PEX3: variants seen among roughly 807,000 people sequenced by gnomAD.
PEX3 encodes peroxisomal biogenesis factor 3, also known as peroxin-3.
PEX3 carries 30 observed loss-of-function variants against 55.8 expected under a neutral mutation model. That is an observed-to-expected ratio of 0.54 (90% CI 0.40 to 0.73). PEX3 has a LOEUF of 0.73. Ranked by LOEUF, PEX3 falls within the 30% of genes least tolerant of loss-of-function variation. PEX3 has a pLI of 0.00. For synonymous variants in PEX3, 135 were observed against 148.4 expected, an observed-to-expected ratio of 0.91 and a Z score of 0.66; for missense variants, 351 against 432.8, an observed-to-expected ratio of 0.81 and a Z score of 1.68.
chr6:143,471,289 A>T lies in PEX3; in HGVS notation c.457-94A>T. On this transcript the variant is annotated intron_variant, in intron 5 of 11. Transcript: ENST00000367591. This position sits in a 1 kb window ranked among gnomAD's most constrained non-coding sequence, Gnocchi z 5.4. ...ATTACTATTTTTCCCGTCATTTCAG[A>T]TCTTGAAAAATCTCAGCCAAAGTTT... is the stretch of plus-strand genomic sequence containing the variant. The T allele has an allele frequency of 8.7e-7, 1 of 1,145,212 alleles. No homozygotes were observed. Among genetic ancestry groups the T allele is most frequent in the Non-Finnish European group, 1.3e-6 (1 of 763,772 alleles). 70.9% of individuals were successfully genotyped at this position (1,145,212 alleles called of 1,614,324 possible).
rs547117596 is a variant in PEX3 at position 143,451,842 on chromosome 6, C to G, written c.73+727C>G. Among the ~76,000 whole-genome samples, 2 of 152,184 alleles carry G rather than the reference C, an allele frequency of 1.3e-5. No homozygotes were observed. The highest frequency in any genetic ancestry group is 3.9e-4 in the East Asian group (2 of 5,182). The stretch of plus-strand genomic sequence containing the variant: ...AATCTTGAGACGCTTTTCCCTCATA[C>G]AATGCTCATGTGATAATATTCAGGG... On this transcript the variant is annotated intron_variant, in intron 1 of 11. Transcript: ENST00000367591. The surrounding 1 kb of genome is among the most constrained non-coding windows in gnomAD (Gnocchi z 4.1).
intron 8 of PEX3, among the ~76,000 whole-genome samples, chr6:143,473,684 C>T (rs184418960): frequency 1.3e-5 from 2 of 151,998 alleles, no homozygotes; most frequent in East Asian, 1.9e-4. Context: ...GGCAACATAG[C>T]GAGATCCTGT....
rs1450705587 is a variant in PEX3 at position 143,453,185 on chromosome 6, A to C, written c.73+2070A>C. Among the ~76,000 whole-genome samples, 2 of 152,218 alleles carry C rather than the reference A, an allele frequency of 1.3e-5. No individual in the cohort carries two copies. Among genetic ancestry groups the C allele is most frequent in the African/African-American group, 4.8e-5 (2 of 41,454 alleles). On this transcript the variant is annotated intron_variant, in intron 1 of 11. Coordinates refer to ENST00000367591, the MANE Select transcript of PEX3 (RefSeq NM_003630.3). The surrounding 1 kb of genome is among the most constrained non-coding windows in gnomAD (Gnocchi z 4.6). ...AGTATACATGTAATTAAGATACAGA[A>C]AAACAAGAGAGGTGAAAAAATGCTG...
At position 143,451,029 on chromosome 6, in the gene PEX3, C is replaced by T. The variant is rs1052415652; in HGVS notation, c.-14C>T. 3 of 1,599,722 alleles carry T rather than the reference C, an allele frequency of 1.9e-6. No homozygotes were observed. Among genetic ancestry groups the T allele is most frequent in the African/African-American group, 1.3e-5 (1 of 74,592 alleles). ...CCCTCACCCCTAGTCAGCCCACACC[C>T]CTAGGGCCTAAAGATGCTGAGGTCT... is the stretch of plus-strand genomic sequence containing the variant. On this transcript the variant is annotated 5_prime_UTR_variant, in exon 1 of 12. Coordinates refer to ENST00000367591, the MANE Select transcript of PEX3 (RefSeq NM_003630.3). This position sits in a 1 kb window ranked among gnomAD's most constrained non-coding sequence, Gnocchi z 4.1.
intron 10 of PEX3, among the ~76,000 whole-genome samples, chr6:143,481,420 G>T (rs980718165): frequency 1.3e-5 from 2 of 151,820 alleles, no homozygotes; most frequent in African/African-American, 4.8e-5. Flanking sequence ...CAGGTGAGGA[G>T]ACTAAGACAC....
rs73580312 is a variant in PEX3 at position 143,458,310 on chromosome 6, T to C, written c.74-775T>C. On this transcript the variant is annotated intron_variant, in intron 1 of 11. Coordinates refer to ENST00000367591, the MANE Select transcript of PEX3 (RefSeq NM_003630.3). This position sits in a 1 kb window ranked among gnomAD's most constrained non-coding sequence, Gnocchi z 6.1. ...CCACCTATATTCTTATCCTGTGGTG[T>C]TAGAATTTAGGAGTTTCTGTACCCT... Among the ~76,000 whole-genome samples, 2,413 of 152,262 alleles carry C rather than the reference T, an allele frequency of 0.016. 63 individuals are homozygous for C. Among genetic ancestry groups the C allele is most frequent in the African/African-American group, 0.056 (2,314 of 41,550 alleles).
chr6:143,467,664 G>A (rs1320798099), intron 3 of PEX3, among the ~76,000 whole-genome samples: 1 of 152,158 alleles, frequency 6.6e-6, no homozygotes, highest in East Asian at 1.9e-4. Context: ...TCTTCCAGAA[G>A]TGAAAGATGG....
rs147556993 is a variant in PEX3 at position 143,479,113 on chromosome 6, C to T, written c.856C>T (p.Arg286Ter). ...TACAGTTTTGAATACCTGTTTAAAC[C>T]GAGGTTTTAGTAGACTTCTAGACAA... is the stretch of plus-strand genomic sequence containing the variant. ...FSTVLNTCLN[R>*]GFSRLLDNMA... The change falls in exon 10 of 12, where the codon CGA (arginine) becomes TGA (stop). Residue 286 changes from arginine (R) to a stop codon, truncating the protein, a stop_gained. Coordinates refer to ENST00000367591, the MANE Select transcript of PEX3 (RefSeq NM_003630.3). LOFTEE classifies it high-confidence loss of function. This position sits in a 1 kb window ranked among gnomAD's most constrained non-coding sequence, Gnocchi z 4.6. The T allele has an allele frequency of 2.5e-6, 4 of 1,589,040 alleles. No individual in the cohort carries two copies. Among genetic ancestry groups the T allele is most frequent in the South Asian group, 1.1e-5 (1 of 90,500 alleles).
At position 143,479,327 on chromosome 6, in the gene PEX3, C is replaced by T. The variant is rs1417123085; in HGVS notation, c.941+129C>T. On this transcript the variant is annotated intron_variant, in intron 10 of 11. Transcript: ENST00000367591. This position sits in a 1 kb window ranked among gnomAD's most constrained non-coding sequence, Gnocchi z 4.6. ...GTGCCTCATTTTTTAACAAATTAAACTCTGTTAAACCAACAACTTCTTCAC... is the reference window on the plus strand; with the variant it reads ...GTGCCTCATTTTTTAACAAATTAAATTCTGTTAAACCAACAACTTCTTCAC... 32 of 699,956 alleles carry T rather than the reference C, an allele frequency of 4.6e-5. 2 individuals are homozygous for T. The South Asian group carries it at 5.0e-4, about 11-fold the overall frequency. 43.4% of individuals were successfully genotyped at this position (699,956 alleles called of 1,614,324 possible). A position where few individuals can be genotyped will look rare whatever the true frequency, so the allele number is the denominator to read the frequency against.
chr6:143,461,242 C>G (rs1395992618), intron 2 of PEX3, among the ~76,000 whole-genome samples: 2 of 152,196 alleles, frequency 1.3e-5, no homozygotes. Flanking sequence ...CTTTACTGTG[C>G]CCATACAAGC....
chr6:143,474,902 T>G, intron 9 of PEX3, 46 bp downstream of exon 9: 1 of 972,824 alleles, frequency 1.0e-6, no homozygotes, highest in Non-Finnish European at 1.7e-6. Context: ...GTATGTTGAA[T>G]GTACTTGAGA....
rs1780077565 is a variant in PEX3 at position 143,471,725 on chromosome 6, G to A, written c.578+114G>A. 1.2e-6 allele frequency: 1 copy of A among 812,092 alleles called. No homozygotes were observed. Among genetic ancestry groups the A allele is most frequent in the Admixed American group, 1.8e-5 (1 of 55,720 alleles). 50.3% of individuals were successfully genotyped at this position (812,092 alleles called of 1,614,324 possible). A position where few individuals can be genotyped will look rare whatever the true frequency, so the allele number is the denominator to read the frequency against. On this transcript the variant is annotated intron_variant, in intron 7 of 11. Transcript: ENST00000367591. This position sits in a 1 kb window ranked among gnomAD's most constrained non-coding sequence, Gnocchi z 5.4. ...CAAACGGTGATTTGTGAAACTCTTT[G>A]TAATAAAATCAGATACCATCCTAGG...
rs778110817 is a variant in PEX3, at chr6:143,471,270, A to G, written c.457-113A>G. The G allele has an allele frequency of 9.1e-5, 97 of 1,064,622 alleles. No individual in the cohort carries two copies. Among genetic ancestry groups the G allele is most frequent in the Non-Finnish European group, 1.2e-4 (85 of 702,076 alleles). 65.9% of individuals were successfully genotyped at this position (1,064,622 alleles called of 1,614,324 possible). A position where few individuals can be genotyped will look rare whatever the true frequency, so the allele number is the denominator to read the frequency against. ...AATTTTTGGTGTGTTAAAAATTACT[A>G]TTTTTCCCGTCATTTCAGATCTTGA... On this transcript the variant is annotated intron_variant, in intron 5 of 11. Coordinates refer to ENST00000367591, the MANE Select transcript of PEX3 (RefSeq NM_003630.3). This position sits in a 1 kb window ranked among gnomAD's most constrained non-coding sequence, Gnocchi z 5.4.
intron 10 of PEX3, among the ~76,000 whole-genome samples, chr6:143,480,714 C>T (rs1480664425): frequency 6.6e-6 from 1 of 152,090 alleles, no homozygotes; most frequent in African/African-American, 2.4e-5. Flanking sequence ...AAAGTCTAGC[C>T]ATCATAGTAA....
Position 143,479,199 on chromosome 6 carries a change from G to A in PEX3, c.941+1G>A. The A allele has an allele frequency of 6.2e-7, 1 of 1,600,846 alleles. No homozygotes were observed. Among genetic ancestry groups the A allele is most frequent in the Non-Finnish European group, 8.6e-7 (1 of 1,168,296 alleles). Reference sequence around the variant, plus strand: ...TGCAACATGGTAACTCTATGAATAGGTAAGATGACATATAAAAATGTTATA... The same window carrying A: ...TGCAACATGGTAACTCTATGAATAGATAAGATGACATATAAAAATGTTATA... On this transcript the variant is annotated splice_donor_variant, in intron 10 of 11. Transcript: ENST00000367591. LOFTEE classifies it high-confidence loss of function. The surrounding 1 kb of genome is among the most constrained non-coding windows in gnomAD (Gnocchi z 4.6).
At chr6:143,470,148 C>T (rs1453009689) in intron 4 of PEX3, among the ~76,000 whole-genome samples, 1 of 152,118 alleles carries the variant, frequency 6.6e-6, no homozygotes, top group Non-Finnish European at 1.5e-5. Context: ...CAGGGTTTTA[C>T]CATGTTGGCC....
Position 143,459,793 on chromosome 6 carries a change from A to T in PEX3, c.205+577A>T, listed in dbSNP as rs1779895405. ...AGGCTGCAGAAGTAGGCTTGATCCC[A>T]TCGGGCCTGTGGGCCATAGGAAAGA... On this transcript the variant is annotated intron_variant, in intron 2 of 11. Coordinates refer to ENST00000367591, the MANE Select transcript of PEX3 (RefSeq NM_003630.3). The surrounding 1 kb of genome is among the most constrained non-coding windows in gnomAD (Gnocchi z 4.2). 2.6e-5 allele frequency among the ~76,000 whole-genome samples: 4 copies of T among 152,252 alleles called. No individual in the cohort carries two copies. The highest frequency in any genetic ancestry group is 2.6e-4 in the Admixed American group (4 of 15,286).
At chr6:143,474,712 A>T (rs759728987) in intron 8 of PEX3, 74 bp from the exon 9 acceptor site, 42 of 833,134 alleles carry the variant, frequency 5.0e-5, no homozygotes, top group Non-Finnish European at 8.9e-5. Context: ...CTCTTTATTT[A>T]TGAATGTGAT....
At position 143,458,225 on chromosome 6, in the gene PEX3, TG is replaced by T. The variant is rs1779872074; in HGVS notation, c.74-859del. On this transcript the variant is annotated intron_variant, in intron 1 of 11. Transcript: ENST00000367591. The surrounding 1 kb of genome is among the most constrained non-coding windows in gnomAD (Gnocchi z 6.1). Reference sequence around the variant, plus strand: ...ACTGCCCCTCAGATATAGACTAAAATGTACACATATATATCATACTGCCTAT... The same window carrying T: ...ACTGCCCCTCAGATATAGACTAAAATTACACATATATATCATACTGCCTAT... Among the ~76,000 whole-genome samples, 2 of 152,150 alleles carry T rather than the reference TG, an allele frequency of 1.3e-5. No individual in the cohort carries two copies. The highest frequency in any genetic ancestry group is 2.9e-5 in the Non-Finnish European group (2 of 68,014).
Sources: allele counts gnomAD v4.1 joint callset (sites outside exome capture counted in the v4.1 genomes callset), GRCh38; gene constraint gnomAD v4.1.1; non-coding constraint Gnocchi (gnomAD v3.1); transcripts MANE v1.5; gene names NCBI Gene and HGNC (gene_info 2026-07-23, HGNC 2026-07-21).